ZSWIM5: variants seen among roughly 807,000 people sequenced by gnomAD.
ZSWIM5 encodes the protein zinc finger SWIM-type containing 5, also known as zinc finger SWIM domain-containing protein 5.
Under a neutral mutation model 119.6 loss-of-function variants are expected in ZSWIM5, and 55 were observed. The observed-to-expected ratio is 0.46, with a 90% CI of 0.37 to 0.58. The LOEUF (loss-of-function observed/expected upper bound fraction) is 0.58, where lower values mean the gene tolerates loss of function less well. ZSWIM5 is among the 20% of genes least tolerant of loss of function. ZSWIM5 has a pLI of 0.00. For missense variants in ZSWIM5, 1,193 were observed against 1,512.8 expected, an observed-to-expected ratio of 0.79 and a Z score of 3.51; for synonymous variants, 537 against 606.9, an observed-to-expected ratio of 0.88 and a Z score of 1.69.
intron 1 of ZSWIM5, among the ~76,000 whole-genome samples, chr1:45,127,435 G>C (rs1176692063): frequency 6.6e-6 from 1 of 151,052 alleles, no homozygotes; most frequent in African/African-American, 2.4e-5. Flanking sequence ...GCAAGATTCT[G>C]CTCTCACTTT....
chr1:45,048,476 G>T (rs1645070569), intron 5 of ZSWIM5, among the ~76,000 whole-genome samples: 1 of 152,146 alleles, frequency 6.6e-6, no homozygotes, highest in South Asian at 2.1e-4. Context: ...AGGAGTGATT[G>T]TAATGAGTTA....
intron 1 of ZSWIM5, among the ~76,000 whole-genome samples, chr1:45,150,448 T>C (rs1406544403): frequency 1.3e-5 from 2 of 152,124 alleles, no homozygotes; most frequent in Non-Finnish European, 2.9e-5. Flanking sequence ...CCTTAAAAAG[T>C]TGAACACAAT....
chr1:45,113,378 T>A (rs1011015893), intron 1 of ZSWIM5, among the ~76,000 whole-genome samples: 1 of 152,188 alleles, frequency 6.6e-6, no homozygotes, highest in Non-Finnish European at 1.5e-5. Context: ...TTTTATTTAT[T>A]TATTTTTTAG....
chr1:45,020,504 G>A, intron 12 of ZSWIM5, 121 bp downstream of exon 12: 1 of 1,221,998 alleles, frequency 8.2e-7, no homozygotes, highest in Non-Finnish European at 1.2e-6. Flanking sequence ...TAGAACTTGT[G>A]TTCTGGGCCC....
At chr1:45,031,855 A>G (rs1349880712) in intron 11 of ZSWIM5, among the ~76,000 whole-genome samples, 6 of 151,676 alleles carry the variant, frequency 4.0e-5, no homozygotes, top group African/African-American at 1.5e-4. Flanking sequence ...AAAAAAAAAA[A>G]AAAAGTGAAA....
intron 1 of ZSWIM5, among the ~76,000 whole-genome samples, chr1:45,170,371 G>A (rs1645938812): frequency 6.6e-6 from 1 of 150,914 alleles, no homozygotes; most frequent in African/African-American, 2.4e-5. Context: ...ACATAAATCA[G>A]AAGACAGTTT....
chr1:45,032,588 C>A (rs910275484), intron 11 of ZSWIM5, among the ~76,000 whole-genome samples: 1 of 150,824 alleles, frequency 6.6e-6, no homozygotes, highest in South Asian at 2.1e-4. Flanking sequence ...CAGGTTCAAG[C>A]GATCCTCGTG....
chr1:45,033,050 T>C (rs2148990588), intron 11 of ZSWIM5, among the ~76,000 whole-genome samples: 1 of 152,290 alleles, frequency 6.6e-6, no homozygotes. Flanking sequence ...CTCCTCCTTA[T>C]CCTGCTTGGA....
At chr1:45,117,550 G>A (rs1221938977) in intron 1 of ZSWIM5, among the ~76,000 whole-genome samples, 5 of 152,148 alleles carry the variant, frequency 3.3e-5, no homozygotes, top group African/African-American at 9.7e-5. Context: ...GTACATACTT[G>A]TAGTCCCAGC....
intron 1 of ZSWIM5, among the ~76,000 whole-genome samples, chr1:45,139,080 C>T (rs1370708654): frequency 2.0e-5 from 3 of 151,502 alleles, no homozygotes; most frequent in East Asian, 3.9e-4. Context: ...CGGGGGTTCA[C>T]CACACTGGCC....
chr1:45,184,711 C>T (rs1646046343), intron 1 of ZSWIM5, among the ~76,000 whole-genome samples: 3 of 151,998 alleles, frequency 2.0e-5, no homozygotes, highest in Non-Finnish European at 2.9e-5. Context: ...AGGACTTCTT[C>T]AAGGAGAACT....
intron 11 of ZSWIM5, among the ~76,000 whole-genome samples, chr1:45,031,713 A>G (rs1644954296): frequency 6.6e-6 from 1 of 151,698 alleles, no homozygotes; most frequent in African/African-American, 2.4e-5. Context: ...GGTGGCGGGC[A>G]CCCGTAGTCC....
chr1:45,192,655 A>C (rs942057728), intron 1 of ZSWIM5, among the ~76,000 whole-genome samples: 2 of 152,128 alleles, frequency 1.3e-5, no homozygotes, highest in Non-Finnish European at 2.9e-5. Flanking sequence ...CCTGCTTTCA[A>C]TTATTTTGGT....
At chr1:45,160,264 C>T (rs1291704351) in intron 1 of ZSWIM5, among the ~76,000 whole-genome samples, 2 of 152,130 alleles carry the variant, frequency 1.3e-5, no homozygotes, top group African/African-American at 2.4e-5. Context: ...TTGAGGTGCT[C>T]ATCATCCTGA....
intron 1 of ZSWIM5, among the ~76,000 whole-genome samples, chr1:45,100,693 AAAACAGATATAC>A (rs1645434691): frequency 2.0e-5 from 3 of 152,220 alleles, no homozygotes; most frequent in Admixed American, 2.0e-4. Flanking sequence ...TACTGGTACC[AAAACAGATATAC>A]AGACCAATGG....
At chr1:45,179,000 C>A (rs56363452) in intron 1 of ZSWIM5, among the ~76,000 whole-genome samples, 25,778 of 151,826 alleles carry the variant, frequency 0.17, 2,428 homozygotes, top group African/African-American at 0.23. Context: ...AGTTATATTT[C>A]TATCTATATA....
At chr1:45,099,732 G>A (rs1040725455) in intron 1 of ZSWIM5, among the ~76,000 whole-genome samples, 2 of 152,184 alleles carry the variant, frequency 1.3e-5, no homozygotes, top group Non-Finnish European at 2.9e-5. Context: ...TGGGATGCAA[G>A]GCTGGTTCAA....
At chr1:45,069,063 T>G (rs1367866333) in intron 2 of ZSWIM5, among the ~76,000 whole-genome samples, 1 of 151,906 alleles carries the variant, frequency 6.6e-6, no homozygotes, top group Non-Finnish European at 1.5e-5. Context: ...CCTCCTGCTT[T>G]GACCTCCCAG....
chr1:45,049,581 G>A (rs960618749), intron 5 of ZSWIM5, among the ~76,000 whole-genome samples: 1 of 152,154 alleles, frequency 6.6e-6, no homozygotes, highest in Non-Finnish European at 1.5e-5. Flanking sequence ...CACTTTGGGA[G>A]GCCAAGACGG....
Sources: allele counts gnomAD v4.1 joint callset (sites outside exome capture counted in the v4.1 genomes callset), GRCh38; gene constraint gnomAD v4.1.1; transcripts MANE v1.5; gene names NCBI Gene and HGNC (gene_info 2026-07-23, HGNC 2026-07-21).